The following TAFA1 variants were observed in gnomAD, a reference collection of about 807,000 sequenced individuals.
TAFA1 encodes chemokine-like protein TAFA-1.
In TAFA1, 4 loss-of-function variants were observed where a neutral mutation model predicts 18.5. That is an observed-to-expected ratio of 0.22 (90% confidence interval 0.11 to 0.49). The LOEUF is 0.49. TAFA1 is among the 20% of genes least tolerant of loss of function. TAFA1 has a pLI of 0.98. For synonymous variants in TAFA1, 56 were observed against 55.2 expected (o/e 1.01, Z -0.06); for missense variants, 147 against 169.0 (o/e 0.87, Z 0.72).
intron 2 of TAFA1, among the ~76,000 whole-genome samples, chr3:68,308,513 T>C (rs990097695): frequency 6.6e-6 from 1 of 152,140 alleles, no homozygotes; most frequent in African/African-American, 2.4e-5. Flanking sequence ...AAAAGCTTCT[T>C]ATAAGTACCA....
At chr3:68,142,210 A>G (rs189361566) in intron 2 of TAFA1, among the ~76,000 whole-genome samples, 4 of 152,340 alleles carry the variant, frequency 2.6e-5, no homozygotes, top group Non-Finnish European at 5.9e-5. Flanking sequence ...TTCTCATTCA[A>G]GCTTCTCTAA....
intron 2 of TAFA1, among the ~76,000 whole-genome samples, chr3:68,415,960 A>C (rs551369246): frequency 2.6e-5 from 4 of 152,202 alleles, no homozygotes; most frequent in Non-Finnish European, 5.9e-5. Context: ...CAACACCTTC[A>C]CAATATCGAT....
At chr3:68,377,874 C>T (rs565261619) in intron 2 of TAFA1, among the ~76,000 whole-genome samples, 7 of 152,182 alleles carry the variant, frequency 4.6e-5, no homozygotes, top group Non-Finnish European at 1.0e-4. Flanking sequence ...AGGTACCACT[C>T]GGCCTGTTGC....
chr3:68,428,290 C>G (rs141440045), intron 3 of TAFA1, among the ~76,000 whole-genome samples: 1 of 151,974 alleles, frequency 6.6e-6, no homozygotes, highest in African/African-American at 2.4e-5. Flanking sequence ...ATCCATATCT[C>G]CAGCCTCCAG....
chr3:68,261,121 T>C (rs1251678431), intron 2 of TAFA1, among the ~76,000 whole-genome samples: 1 of 151,812 alleles, frequency 6.6e-6, no homozygotes, highest in Non-Finnish European at 1.5e-5. Flanking sequence ...AACAGACACT[T>C]CTCAAAAGAA....
intron 2 of TAFA1, among the ~76,000 whole-genome samples, chr3:68,289,248 C>T (rs989547501): frequency 6.6e-6 from 1 of 152,138 alleles, no homozygotes; most frequent in Non-Finnish European, 1.5e-5. Flanking sequence ...CAAAAGCCCA[C>T]TATATAGGTT....
At chr3:68,199,814 T>G (rs2066451580) in intron 2 of TAFA1, among the ~76,000 whole-genome samples, 1 of 151,536 alleles carries the variant, frequency 6.6e-6, no homozygotes, top group South Asian at 2.1e-4. Flanking sequence ...TATTTCTTCC[T>G]TCTCAATCAG....
intron 2 of TAFA1, among the ~76,000 whole-genome samples, chr3:68,132,855 T>G (rs2065559872): frequency 1.2e-5 from 1 of 86,896 alleles, no homozygotes. Context: ...TAATTTATTT[T>G]GCTGTGCAAA....
rs1362442287 is a variant in TAFA1, at chr3:68,417,427, A to T, written c.259+7A>T. ...CGGCCTTCTTGCGTCGATGGTAGGT[A>T]CCTGGTTTTACCTCTTGAAAAGCTC... On this transcript the variant is annotated splice_region_variant and intron_variant, in intron 3 of 4. Coordinates refer to ENST00000478136, the MANE Select transcript of TAFA1 (RefSeq NM_213609.4). 1 of 1,613,110 alleles carries T rather than the reference A, an allele frequency of 6.2e-7. No individual in the cohort carries two copies. Among genetic ancestry groups the T allele is most frequent in the Middle Eastern group, 1.7e-4 (1 of 6,046 alleles).
At chr3:68,407,122 T>TTCC (rs1321930034) in intron 2 of TAFA1, among the ~76,000 whole-genome samples, 1 of 151,864 alleles carries the variant, frequency 6.6e-6, no homozygotes, top group African/African-American at 2.4e-5. Flanking sequence ...AAGGTAAGAG[T>TTCC]GAGGAGTAGT....
intron 2 of TAFA1, among the ~76,000 whole-genome samples, chr3:68,235,188 C>T (rs889189000): frequency 6.6e-6 from 1 of 152,056 alleles, no homozygotes; most frequent in East Asian, 1.9e-4. Flanking sequence ...TTGAGTTCAG[C>T]GAATTAGGTA....
intron 3 of TAFA1, among the ~76,000 whole-genome samples, chr3:68,496,806 G>A (rs1305702762): frequency 6.6e-6 from 1 of 152,108 alleles, no homozygotes; most frequent in Non-Finnish European, 1.5e-5. Context: ...TATGGTGGGG[G>A]TGATACCATT....
At position 68,081,289 on chromosome 3, in the gene TAFA1, G is replaced by A. The variant is rs370085656; in HGVS notation, c.118+74545G>A. Among the ~76,000 whole-genome samples, 629 of 151,978 alleles carry A rather than the reference G, an allele frequency of 4.1e-3. 2 individuals are homozygous for A. The highest frequency in any genetic ancestry group is 0.012 in the African/African-American group (507 of 41,444). On this transcript the variant is annotated intron_variant, in intron 2 of 4. Transcript: ENST00000478136. ...TCCCATAGCTCAGAGTAATTTGATC[G>A]TCTGAAGCCTTCTTCTCTCAGCTCG...
intron 2 of TAFA1, among the ~76,000 whole-genome samples, chr3:68,172,552 TG>T (rs989460642): frequency 6.6e-6 from 1 of 152,134 alleles, no homozygotes; most frequent in Non-Finnish European, 1.5e-5. Context: ...GCTAGGTATT[TG>T]CCAAAAAGCC....
chr3:68,446,330 C>A (rs2071473379), intron 3 of TAFA1, among the ~76,000 whole-genome samples: 1 of 152,014 alleles, frequency 6.6e-6, no homozygotes, highest in South Asian at 2.1e-4. Context: ...CCTGCAAAGT[C>A]AAAAATACTT....
chr3:68,370,506 A>G (rs5016738), intron 2 of TAFA1, among the ~76,000 whole-genome samples: 32,439 of 74,898 alleles, frequency 0.43, 8,364 homozygotes, highest in East Asian at 0.63. Flanking sequence ...ATATATATAT[A>G]TATATATATA....
intron 3 of TAFA1, among the ~76,000 whole-genome samples, chr3:68,510,153 C>G (rs1391173885): frequency 6.6e-6 from 1 of 152,102 alleles, no homozygotes; most frequent in African/African-American, 2.4e-5. Context: ...TGCTTTGGAT[C>G]ACTGTCCACT....
At chr3:68,483,710 C>T (rs2072280000) in intron 3 of TAFA1, among the ~76,000 whole-genome samples, 1 of 152,142 alleles carries the variant, frequency 6.6e-6, no homozygotes, top group Non-Finnish European at 1.5e-5. Flanking sequence ...TTCTGTGGGG[C>T]TGATATAGGT....
intron 2 of TAFA1, among the ~76,000 whole-genome samples, chr3:68,344,647 A>G (rs2069136437): frequency 6.6e-6 from 1 of 152,082 alleles, no homozygotes; most frequent in Non-Finnish European, 1.5e-5. Context: ...TAGCTTTGTG[A>G]CTTTGGGTAG....
Sources: allele counts gnomAD v4.1 joint callset (sites outside exome capture counted in the v4.1 genomes callset), GRCh38; gene constraint gnomAD v4.1.1; transcripts MANE v1.5; gene names NCBI Gene and HGNC (gene_info 2026-07-23, HGNC 2026-07-21).